TFEC: variants seen among roughly 807,000 people sequenced by gnomAD.
TFEC encodes the protein class E basic helix-loop-helix protein 34.
Under a neutral mutation model 41.6 loss-of-function variants are expected in TFEC, and 31 were observed. The ratio of observed to expected loss-of-function variants is 0.74; its 90% CI spans 0.56 to 1.01. The LOEUF is 1.01. TFEC is among the 50% of genes least tolerant of loss of function. TFEC has a pLI of 0.00. For missense variants in TFEC, 402 were observed against 404.1 expected (o/e 0.99, Z 0.04); for synonymous variants, 143 against 140.6 (o/e 1.02, Z -0.12).
In TFEC at chr7:116,086,099, T is replaced by G. The variant is rs140672891; in HGVS notation, c.198+24609A>C. Among the ~76,000 whole-genome samples the G allele has an allele frequency of 7.1e-4, 108 of 152,020 alleles. 1 individual carries two copies. The highest frequency in any genetic ancestry group is 4.4e-3 in the East Asian group (23 of 5,178). ...TTTCACACATGATTTATTGAGATAT[T>G]AAGCTACTTTTCCTAATGAAAATTA... On this transcript the variant is annotated intron_variant, in intron 3 of 8. Transcript: ENST00000484212.
chr7:116,159,576 G>A (rs967299732), intron 1 of TFEC, among the ~76,000 whole-genome samples: 28 of 152,116 alleles, frequency 1.8e-4, no homozygotes, highest in African/African-American at 6.7e-4. Context: ...GAATTCACCA[G>A]TGAAGCATTA....
chr7:116,008,358 AATAC>A (rs528980190), intron 1 of TFEC, among the ~76,000 whole-genome samples: 56 of 152,278 alleles, frequency 3.7e-4, no homozygotes, highest in Non-Finnish European at 6.0e-4. Context: ...AACATCACCA[AATAC>A]ATACACACAT....
At chr7:116,084,953 A>T (rs1416649773) in intron 3 of TFEC, among the ~76,000 whole-genome samples, 1 of 151,902 alleles carries the variant, frequency 6.6e-6, no homozygotes, top group African/African-American at 2.4e-5. Context: ...GCATTTATCA[A>T]CTTCGGGCTA....
intron 3 of TFEC, among the ~76,000 whole-genome samples, chr7:116,089,256 C>A (rs146425384): frequency 6.6e-6 from 1 of 151,906 alleles, no homozygotes; most frequent in African/African-American, 2.4e-5. Context: ...TAGCAAAGAA[C>A]CTTGGAAAAA....
In TFEC at chr7:116,115,939, T is replaced by A. The variant is rs777415135; in HGVS notation, c.-68-3901A>T. 6.3e-4 allele frequency among the ~76,000 whole-genome samples: 95 copies of A among 151,924 alleles called. 2 individuals carry two copies. Among genetic ancestry groups the A allele is most frequent in the Non-Finnish European group, 1.8e-4 (12 of 67,920 alleles). On this transcript the variant is annotated intron_variant, in intron 1 of 8. Transcript: ENST00000484212. ...GCATAATTATAATTCCCCATTTTTC[T>A]GATGAGAAAGCTGAAGTACAGAAAG...
intron 3 of TFEC, among the ~76,000 whole-genome samples, chr7:116,061,201 C>T (rs1796548436): frequency 6.6e-6 from 1 of 152,180 alleles, no homozygotes; most frequent in Non-Finnish European, 1.5e-5. Flanking sequence ...ATTAACACTA[C>T]CTTCTTTCAA....
intron 3 of TFEC, among the ~76,000 whole-genome samples, chr7:116,045,424 C>T (rs1372002769): frequency 6.6e-6 from 1 of 152,216 alleles, no homozygotes; most frequent in Non-Finnish European, 1.5e-5. Flanking sequence ...AGCCTAGGGA[C>T]TTGGTGCCCT....
At chr7:115,981,997 G>T (rs1793651776) in intron 2 of TFEC, among the ~76,000 whole-genome samples, 1 of 152,138 alleles carries the variant, frequency 6.6e-6, no homozygotes, top group Non-Finnish European at 1.5e-5. Context: ...AGTTTGAATT[G>T]TATCTCAGAA....
Position 115,950,900 on chromosome 7 carries a change from G to A in TFEC, c.489C>T (p.Gly163=), listed in dbSNP as rs754727125. The A allele has an allele frequency of 6.2e-7, 1 of 1,604,396 alleles. No individual in the cohort carries two copies. Among genetic ancestry groups the A allele is most frequent in the South Asian group, 1.1e-5 (1 of 89,542 alleles). Residue 163 remains glycine (G), a synonymous_variant, in exon 6 of 8, where the codon GGC becomes GGT. Coordinates refer to ENST00000265440, the MANE Select transcript of TFEC (RefSeq NM_012252.4). ...GATCATTAGACTTTGGAATAAGAGT[G>A]CCAAGCTCCTTGATTCGGTAATTAA... ...YNINYRIKEL[G]TLIPKSNDPD...
In TFEC at chr7:116,043,188, A is replaced by C. The variant is rs576557590; in HGVS notation, c.199-58675T>G. On this transcript the variant is annotated intron_variant, in intron 3 of 8. Coordinates refer to the TFEC transcript ENST00000484212. ...TCTGAAGCTTACATGTGATGGGACT[A>C]CTAAATTTAATAGTGTATCTTATGA... Among the ~76,000 whole-genome samples the C allele has an allele frequency of 2.6e-5, 4 of 152,276 alleles. No individual in the cohort carries two copies. The South Asian group carries it at 6.2e-4, about 24-fold the overall frequency.
chr7:116,099,551 A>T (rs1428835991), intron 3 of TFEC, among the ~76,000 whole-genome samples: 1 of 152,198 alleles, frequency 6.6e-6, no homozygotes, highest in Non-Finnish European at 1.5e-5. Context: ...TTGCTTTTAG[A>T]TCCACATATG....
intron 3 of TFEC, among the ~76,000 whole-genome samples, chr7:116,099,552 T>A (rs960875073): frequency 6.6e-5 from 10 of 152,148 alleles, no homozygotes; most frequent in Non-Finnish European, 1.2e-4. Flanking sequence ...TGCTTTTAGA[T>A]CCACATATGA....
intron 1 of TFEC, among the ~76,000 whole-genome samples, chr7:116,156,216 G>T (rs1798868479): frequency 6.6e-6 from 1 of 152,136 alleles, no homozygotes. Context: ...GCAGGAGGGA[G>T]AGAGGGATTT....
intron 5 of TFEC, among the ~76,000 whole-genome samples, chr7:115,953,818 G>A (rs1244536590): frequency 3.3e-5 from 5 of 152,024 alleles, no homozygotes; most frequent in African/African-American, 9.7e-5. Flanking sequence ...TCACAAGTAC[G>A]TGTATACTCA....
At chr7:116,128,506 T>G (rs566423868) in intron 1 of TFEC, among the ~76,000 whole-genome samples, 3 of 152,152 alleles carry the variant, frequency 2.0e-5, no homozygotes, top group Non-Finnish European at 2.9e-5. Flanking sequence ...AATGATAAAC[T>G]ATGTCAATAT....
In TFEC at chr7:115,940,710, A is replaced by G. The variant is rs770473354; in HGVS notation, c.885T>C (p.Ser295=). ...ATCTTTGTTCCTCTTTCAATGCAGCACTAAATGATAAATCTGTGAAGTATG... is the reference window on the plus strand; with the variant it reads ...ATCTTTGTTCCTCTTTCAATGCAGCGCTAAATGATAAATCTGTGAAGTATG... The part of the protein sequence containing the change: ...PLSYFTDLSF[S]AALKEEQRLD... The change falls in exon 8 of 8, where the codon AGT becomes AGC. Residue 295 remains serine (S), a synonymous_variant. Transcript: ENST00000265440. 2.5e-6 allele frequency: 4 copies of G among 1,613,492 alleles called. No individual in the cohort carries two copies. In the African/African-American group the frequency reaches 4.0e-5, roughly 16 times the overall value.
intron 1 of TFEC, among the ~76,000 whole-genome samples, chr7:115,993,615 A>C (rs1794223642): frequency 6.6e-6 from 1 of 152,214 alleles, no homozygotes; most frequent in Non-Finnish European, 1.5e-5. Flanking sequence ...CAATTGCTTC[A>C]AAGAGAATAA....
intron 1 of TFEC, among the ~76,000 whole-genome samples, chr7:116,029,417 T>C (rs948899315): frequency 2.0e-5 from 3 of 152,162 alleles, no homozygotes; most frequent in Admixed American, 1.3e-4. Flanking sequence ...ATTGTCCGAA[T>C]AATGCTGATA....
intron 3 of TFEC, among the ~76,000 whole-genome samples, chr7:116,049,662 T>A (rs1796260875): frequency 1.3e-5 from 2 of 152,170 alleles, no homozygotes; most frequent in South Asian, 4.1e-4. Flanking sequence ...CCACCACAAA[T>A]CAACAGAATA....
Sources: allele counts gnomAD v4.1 joint callset (sites outside exome capture counted in the v4.1 genomes callset), GRCh38; gene constraint gnomAD v4.1.1; transcripts MANE v1.5; gene names NCBI Gene and HGNC (gene_info 2026-07-23, HGNC 2026-07-21).